The following PPFIBP2 variants were observed in gnomAD, a reference collection of about 807,000 sequenced individuals.
PPFIBP2 encodes PPFIB scaffold protein 2.
Under a neutral mutation model 118.3 loss-of-function variants are expected in PPFIBP2, and 118 were observed. The observed-to-expected ratio is 1.00, with a 90% CI of 0.86 to 1.16. The LOEUF (loss-of-function observed/expected upper bound fraction) is 1.16, where lower values mean the gene tolerates loss of function less well. Among genes scored for constraint, PPFIBP2 ranks in the 50% most tolerant of loss-of-function variants. The probability of loss-of-function intolerance (pLI) is 0.00; values close to 1 mark genes in which losing one functional copy is unlikely to be tolerated. For synonymous variants in PPFIBP2, 414 were observed against 397.4 expected (o/e 1.04, Z -0.50); for missense variants, 1,195 against 1,073.1 (o/e 1.11, Z -1.59).
At chr11:7,642,666 A>G (rs537182999) in intron 17 of PPFIBP2, among the ~76,000 whole-genome samples, 117 of 152,308 alleles carry the variant, frequency 7.7e-4, no homozygotes, top group African/African-American at 2.8e-3. Flanking sequence ...GTGACATTTT[A>G]TATCTAACCA....
At chr11:7,558,756 A>G (rs1853951805) in intron 2 of PPFIBP2, among the ~76,000 whole-genome samples, 5 of 151,826 alleles carry the variant, frequency 3.3e-5, no homozygotes, top group African/African-American at 7.2e-5. Flanking sequence ...TCTGTCTCAA[A>G]AAAAAAAAAA....
At position 7,649,131 on chromosome 11, in the gene PPFIBP2, G is replaced by T. The variant is rs1164123881; in HGVS notation, c.1910-16G>T. ...TCTCATGAATCCTGACACATCTGGG[G>T]TTTTTGTATTTGTAGGGTGGCTTGA... On this transcript the variant is annotated splice_polypyrimidine_tract_variant and intron_variant, in intron 19 of 23. Transcript: ENST00000299492. 6.2e-7 allele frequency: 1 copy of T among 1,609,456 alleles called. No homozygotes were observed. The highest frequency in any genetic ancestry group is 2.2e-5 in the East Asian group (1 of 44,858).
intron 4 of PPFIBP2, among the ~76,000 whole-genome samples, chr11:7,596,383 G>T (rs1049996164): frequency 7.9e-6 from 1 of 125,938 alleles, no homozygotes; most frequent in African/African-American, 3.0e-5. Context: ...GAAAGAGCCC[G>T]TTCTTGTTTT....
rs184855661 is a variant in PPFIBP2, at chr11:7,535,970, G to A, written c.-36-13470G>A. Among the ~76,000 whole-genome samples, 56 of 152,330 alleles carry A rather than the reference G, an allele frequency of 3.7e-4. 1 individual carries two copies. In the East Asian group the frequency reaches 4.2e-3, roughly 12 times the overall value. ...AGCGCTTCTCCCAAATGCCAGAGGA[G>A]GAGAGTGTCACCACTGATGAGATGC... On this transcript the variant is annotated intron_variant, in intron 1 of 23. Coordinates refer to ENST00000299492, the MANE Select transcript of PPFIBP2 (RefSeq NM_003621.5).
At chr11:7,529,702 C>T (rs143842073) in intron 1 of PPFIBP2, among the ~76,000 whole-genome samples, 2 of 152,340 alleles carry the variant, frequency 1.3e-5, no homozygotes, top group South Asian at 2.1e-4. Context: ...AAATCCATTT[C>T]CCCAGCGGTG....
chr11:7,658,171 G>A (rs1188155592), downstream of PPFIBP2, among the ~76,000 whole-genome samples: 2 of 151,836 alleles, frequency 1.3e-5, no homozygotes, highest in South Asian at 2.1e-4. Context: ...TATACTTTAA[G>A]TTTTAGGGTA....
intron 2 of PPFIBP2, among the ~76,000 whole-genome samples, chr11:7,554,815 A>G (rs187550062): frequency 0.027 from 4,159 of 151,726 alleles, 86 homozygotes; most frequent in African/African-American, 0.051. Context: ...AGACTAGACT[A>G]GATTGGGTCT....
At chr11:7,597,143 A>G in intron 4 of PPFIBP2, 1 of 1,438,216 alleles carries the variant, frequency 7.0e-7, no homozygotes, top group Non-Finnish European at 9.1e-7. Context: ...AGGTAAGGTC[A>G]TTGGTTAGTT....
the PPFIBP2 span, among the ~76,000 whole-genome samples, chr11:7,663,750 G>A: frequency 1.8e-4 from 27 of 152,094 alleles, no homozygotes; most frequent in Middle Eastern, 3.2e-3. Context: ...CCCCAGCCTC[G>A]CTGCTGCCTT....
At chr11:7,549,406 T>TA in intron 1 of PPFIBP2, 34 bp from the exon 2 acceptor site, 1 of 1,536,330 alleles carries the variant, frequency 6.5e-7, no homozygotes, top group East Asian at 2.5e-5. Flanking sequence ...GAACTCTCTG[T>TA]AATTTTTCCT....
chr11:7,605,574 T>G (rs761276673), intron 5 of PPFIBP2, among the ~76,000 whole-genome samples: 6 of 152,216 alleles, frequency 3.9e-5, no homozygotes, highest in Non-Finnish European at 7.3e-5. Context: ...CAAATGCACA[T>G]GAGGCCTGTT....
rs770550984 is a variant in PPFIBP2 at position 7,648,479 on chromosome 11, G to C, written c.1739G>C (p.Arg580Thr). The C allele has an allele frequency of 6.2e-7, 1 of 1,614,102 alleles. No individual in the cohort carries two copies. Among genetic ancestry groups the C allele is most frequent in the Non-Finnish European group, 8.5e-7 (1 of 1,180,038 alleles). The change falls in exon 18 of 24, where the codon AGG (arginine) becomes ACG (threonine). Residue 580 changes from arginine to threonine, a missense_variant. Coordinates refer to ENST00000299492, the MANE Select transcript of PPFIBP2 (RefSeq NM_003621.5). ...FGLAQYVIFA[R>T]QWVSSGHTLL... ...CTGGCTCAGTATGTGATCTTTGCCAGGCAGTGGGTATCTTCTGGCCACACC... is the reference window on the plus strand; with the variant it reads ...CTGGCTCAGTATGTGATCTTTGCCACGCAGTGGGTATCTTCTGGCCACACC...
chr11:7,570,909 T>G (rs1252961316), intron 3 of PPFIBP2, among the ~76,000 whole-genome samples: 1 of 152,222 alleles, frequency 6.6e-6, no homozygotes, highest in Non-Finnish European at 1.5e-5. Context: ...TGCAGTTTGT[T>G]CTGGGGGCTA....
At chr11:7,573,718 A>G (rs10219408) in intron 3 of PPFIBP2, among the ~76,000 whole-genome samples, 2,143 of 152,220 alleles carry the variant, frequency 0.014, 34 homozygotes, top group African/African-American at 0.048. Context: ...TCCCCTTCTC[A>G]GCGGGCCCAC....
intron 1 of PPFIBP2, among the ~76,000 whole-genome samples, chr11:7,547,472 T>C (rs552878224): frequency 2.2e-3 from 340 of 152,208 alleles, no homozygotes; most frequent in African/African-American, 7.8e-3. Flanking sequence ...TTTGGAGGGA[T>C]TATTTCAAAC....
At chr11:7,555,361 G>T (rs1853485369) in intron 2 of PPFIBP2, among the ~76,000 whole-genome samples, 1 of 152,180 alleles carries the variant, frequency 6.6e-6, no homozygotes. Flanking sequence ...ACTCTGATTA[G>T]CGTCTGGGTT....
chr11:7,535,497 T>G (rs890294232), intron 1 of PPFIBP2, among the ~76,000 whole-genome samples: 1 of 152,192 alleles, frequency 6.6e-6, no homozygotes. Context: ...GCTTCCTGGA[T>G]GTGTGATTTG....
intron 17 of PPFIBP2, among the ~76,000 whole-genome samples, chr11:7,647,014 C>T (rs1285604560): frequency 1.3e-5 from 2 of 152,028 alleles, no homozygotes; most frequent in Non-Finnish European, 1.5e-5. Flanking sequence ...ATTTTCAGGA[C>T]CCATGAAAGC....
chr11:7,647,353 G>A (rs1167206860), intron 17 of PPFIBP2, among the ~76,000 whole-genome samples: 3 of 152,134 alleles, frequency 2.0e-5, no homozygotes, highest in Non-Finnish European at 2.9e-5. Context: ...AAAAATGGAT[G>A]TCTTTAAGAA....
Sources: allele counts gnomAD v4.1 joint callset (sites outside exome capture counted in the v4.1 genomes callset), GRCh38; gene constraint gnomAD v4.1.1; transcripts MANE v1.5; gene names NCBI Gene and HGNC (gene_info 2026-07-23, HGNC 2026-07-21).